RIN3: variants seen among roughly 807,000 people sequenced by gnomAD.
RIN3 encodes Ras and Rab interactor 3.
RIN3 carries 54 observed loss-of-function variants against 76.3 expected under a neutral mutation model. The ratio of observed to expected loss-of-function variants is 0.71; its 90% CI spans 0.57 to 0.89. The LOEUF (loss-of-function observed/expected upper bound fraction) is 0.89, where lower values mean the gene tolerates loss of function less well. Among genes scored for constraint, RIN3 ranks in the 40% least tolerant of loss-of-function variants. The pLI is 0.00. For synonymous variants in RIN3, 576 were observed against 564.0 expected (o/e 1.02, Z -0.30); for missense variants, 1,256 against 1,322.1 (o/e 0.95, Z 0.78).
chr14:92,523,235 C>T (rs1000407500), intron 1 of RIN3, among the ~76,000 whole-genome samples: 13 of 152,112 alleles, frequency 8.5e-5, no homozygotes, highest in African/African-American at 2.7e-4. Flanking sequence ...CTCAGCCTTC[C>T]GAGTAGCTGG....
In RIN3 at chr14:92,651,554, AC is replaced by A. The variant is rs780928195; in HGVS notation, c.533-23del. ...AACACCTAGTCCCTGGCACAGACTG[AC>A]CCCCTGCCCCTCTCTTGCTTCCACA... is the stretch of plus-strand genomic sequence containing the variant. On this transcript the variant is annotated intron_variant, in intron 5 of 9. Coordinates refer to ENST00000216487, the MANE Select transcript of RIN3 (RefSeq NM_024832.5). 56 of 1,304,690 alleles carry A rather than the reference AC, an allele frequency of 4.3e-5. 1 individual carries two copies. The African/African-American group carries it at 7.0e-4, about 16-fold the overall frequency. 80.8% of individuals were successfully genotyped at this position (1,304,690 alleles called of 1,614,324 possible).
intron 3 of RIN3, among the ~76,000 whole-genome samples, chr14:92,582,442 C>CTTTTTTTTTTTTTTT (rs35072092): frequency 8.5e-6 from 1 of 117,566 alleles, no homozygotes; most frequent in Non-Finnish European, 1.7e-5. Context: ...TCCTTTTTTA[C>CTTTTTTTTTTTTTTT]TTTTTTTTTT....
At position 92,676,184 on chromosome 14, in the gene RIN3, G is replaced by A. The variant is rs1888453886; in HGVS notation, c.2336-291G>A. Among the ~76,000 whole-genome samples, 4 of 151,942 alleles carry A rather than the reference G, an allele frequency of 2.6e-5. No individual in the cohort carries two copies. In the South Asian group the frequency reaches 8.3e-4, roughly 32 times the overall value. Reference sequence around the variant, plus strand: ...TTTGTCTGTCAAGCAAGCAGCAGGGGGCGGTCATGGAGAGGGAGGACTAGG... The same window carrying A: ...TTTGTCTGTCAAGCAAGCAGCAGGGAGCGGTCATGGAGAGGGAGGACTAGG... On this transcript the variant is annotated intron_variant, in intron 7 of 9. Transcript: ENST00000216487.
chr14:92,576,170 A>G, intron 2 of RIN3: 1 of 1,207,766 alleles, frequency 8.3e-7, no homozygotes, highest in Admixed American at 2.7e-5. Context: ...GGCTGGGGAG[A>G]TTCCAGAAGG....
intron 1 of RIN3, among the ~76,000 whole-genome samples, chr14:92,547,892 T>C (rs956259757): frequency 2.6e-5 from 4 of 151,962 alleles, no homozygotes; most frequent in Non-Finnish European, 4.4e-5. Context: ...TTAGTAGAGA[T>C]GGGGTTTCAC....
In RIN3 at chr14:92,552,359, C is replaced by G. The variant is rs573008534; in HGVS notation, c.45-3392C>G. Reference sequence around the variant, plus strand: ...GTGGATTCCTGCAGACCCTCCTGGGCCCTGAGACCACCCAGGTCCCCCCAG... The same window carrying G: ...GTGGATTCCTGCAGACCCTCCTGGGGCCTGAGACCACCCAGGTCCCCCCAG... On this transcript the variant is annotated intron_variant, in intron 1 of 9. Coordinates refer to ENST00000216487, the MANE Select transcript of RIN3 (RefSeq NM_024832.5). 2.0e-5 allele frequency among the ~76,000 whole-genome samples: 3 copies of G among 152,242 alleles called. No homozygotes were observed. The East Asian group carries it at 5.8e-4, about 29-fold the overall frequency.
At chr14:92,550,638 C>G (rs967009467) in intron 1 of RIN3, among the ~76,000 whole-genome samples, 1 of 152,204 alleles carries the variant, frequency 6.6e-6, no homozygotes, top group Admixed American at 6.5e-5. Flanking sequence ...AGGCTGGTCT[C>G]AAACTCCTGG....
chr14:92,651,313 A>C (rs1446333807), intron 5 of RIN3, among the ~76,000 whole-genome samples: 1 of 152,154 alleles, frequency 6.6e-6, no homozygotes, highest in Non-Finnish European at 1.5e-5. Flanking sequence ...ACACCAAGGA[A>C]GAGAACTGAA....
chr14:92,629,934 T>A (rs1330574419), intron 4 of RIN3, among the ~76,000 whole-genome samples: 3 of 152,208 alleles, frequency 2.0e-5, no homozygotes, highest in African/African-American at 7.2e-5. Flanking sequence ...AGGCAAAACA[T>A]CAGAGGCCTC....
intron 4 of RIN3, among the ~76,000 whole-genome samples, chr14:92,637,664 T>C (rs1886823004): frequency 6.6e-6 from 1 of 152,168 alleles, no homozygotes. Context: ...TTAACAAATG[T>C]TGACAATAGC....
At chr14:92,592,400 CAA>C (rs35193465) in intron 3 of RIN3, among the ~76,000 whole-genome samples, 18 of 75,862 alleles carry the variant, frequency 2.4e-4, no homozygotes, top group South Asian at 4.0e-4. Flanking sequence ...GACTCTGTCT[CAA>C]AAAAAAAAAA....
At chr14:92,666,295 G>A (rs901587699) in intron 7 of RIN3, among the ~76,000 whole-genome samples, 4 of 152,216 alleles carry the variant, frequency 2.6e-5, no homozygotes, top group African/African-American at 2.4e-5. Context: ...TTGGAACAGC[G>A]AGGAAAGGGG....
intron 1 of RIN3, among the ~76,000 whole-genome samples, chr14:92,546,870 T>C (rs568796505): frequency 1.3e-5 from 2 of 152,018 alleles, no homozygotes; most frequent in South Asian, 2.1e-4. Context: ...AGATAGGGCA[T>C]GACCACATGT....
intron 6 of RIN3, 144 bp downstream of exon 6, chr14:92,653,219 T>G: frequency 1.1e-6 from 1 of 880,158 alleles, no homozygotes; most frequent in Non-Finnish European, 1.7e-6. Context: ...GAACTTTCTC[T>G]GGCTGCTGCA....
chr14:92,534,838 T>C (rs1896960481), intron 1 of RIN3, among the ~76,000 whole-genome samples: 1 of 152,190 alleles, frequency 6.6e-6, no homozygotes, highest in Admixed American at 6.5e-5. Context: ...CTCCCATTTT[T>C]ATTGTTCCCC....
rs773301010 is a variant in RIN3, at chr14:92,652,200, C to T, written c.1151C>T (p.Thr384Ile). The part of the protein sequence containing the change: ...PPLPAKKNLP[T>I]APPRRRVSER... ...CTGCCTGCGAAGAAGAACCTTCCCA[C>T]TGCCCCTCCCAGACGCCGCGTTTCC... Residue 384 changes from threonine to isoleucine, a missense_variant, in exon 6 of 10, where the codon ACT (threonine) becomes ATT (isoleucine). Coordinates refer to ENST00000216487, the MANE Select transcript of RIN3 (RefSeq NM_024832.5). This position sits in a 1 kb window ranked among gnomAD's most constrained non-coding sequence, Gnocchi z 6.4. The T allele has an allele frequency of 1.9e-6, 3 of 1,605,966 alleles. No individual in the cohort carries two copies. Among genetic ancestry groups the T allele is most frequent in the East Asian group, 2.2e-5 (1 of 44,692 alleles).
intron 1 of RIN3, among the ~76,000 whole-genome samples, chr14:92,520,583 C>T (rs1379701812): frequency 6.6e-6 from 1 of 152,226 alleles, no homozygotes; most frequent in Non-Finnish European, 1.5e-5. Flanking sequence ...ATGCGAAAGC[C>T]TGTTCTCTGA....
At chr14:92,627,261 AC>A (rs1886390554) in intron 4 of RIN3, among the ~76,000 whole-genome samples, 1 of 151,950 alleles carries the variant, frequency 6.6e-6, no homozygotes, top group South Asian at 2.1e-4. Flanking sequence ...TAGAGGCTCA[AC>A]CCCCATTAAT....
chr14:92,527,143 T>A (rs1201061367), intron 1 of RIN3, among the ~76,000 whole-genome samples: 1 of 148,994 alleles, frequency 6.7e-6, no homozygotes, highest in African/African-American at 2.5e-5. Flanking sequence ...CTCCGCCTCC[T>A]GGGTTCACGC....
Sources: allele counts gnomAD v4.1 joint callset (sites outside exome capture counted in the v4.1 genomes callset), GRCh38; gene constraint gnomAD v4.1.1; non-coding constraint Gnocchi (gnomAD v3.1); transcripts MANE v1.5; gene names NCBI Gene and HGNC (gene_info 2026-07-23, HGNC 2026-07-21).